Variants in TENM3 observed in about 807,000 individuals in gnomAD.
The protein encoded by TENM3 is teneurin transmembrane protein 3.
In TENM3, 63 loss-of-function variants were observed where a neutral mutation model predicts 255.1. That is an observed-to-expected ratio of 0.25 (90% CI 0.20 to 0.30). TENM3 has a LOEUF of 0.30. Ranked by LOEUF, TENM3 falls within the 10% of genes least tolerant of loss-of-function variation. The probability of loss-of-function intolerance (pLI) is 1.00; values close to 1 mark genes in which losing one functional copy is unlikely to be tolerated. For synonymous variants in TENM3, 1,306 were observed against 1,322.3 expected (o/e 0.99, Z 0.27); for missense variants, 2,929 against 3,461.1 (o/e 0.85, Z 3.86).
At chr4:181,680,583 T>C in the TENM3 span, among the ~76,000 whole-genome samples, 2 of 152,176 alleles carry the variant, frequency 1.3e-5, no homozygotes, top group African/African-American at 4.8e-5. Flanking sequence ...TACTATGATG[T>C]GTTTTACATT....
the TENM3 span, among the ~76,000 whole-genome samples, chr4:181,636,938 C>T: frequency 3.3e-5 from 5 of 152,190 alleles, no homozygotes; most frequent in East Asian, 3.9e-4. Context: ...GCCCCTACCC[C>T]TCTGGTTTAC....
the TENM3 span, among the ~76,000 whole-genome samples, chr4:181,584,855 A>T: frequency 3.2e-3 from 490 of 152,314 alleles, 4 homozygotes; most frequent in African/African-American, 0.011. Context: ...CTATATATTT[A>T]GCAGCAGAAA....
intron 1 of TENM3, among the ~76,000 whole-genome samples, chr4:182,284,750 A>G (rs1760622664): frequency 6.6e-6 from 1 of 152,232 alleles, no homozygotes; most frequent in Non-Finnish European, 1.5e-5. Flanking sequence ...TACACTGAGT[A>G]GAACAGATGA....
At chr4:182,152,890 C>A (rs1003593402) in intron 1 of TENM3, among the ~76,000 whole-genome samples, 1 of 151,670 alleles carries the variant, frequency 6.6e-6, no homozygotes, top group Admixed American at 6.6e-5. Flanking sequence ...TTTAAAAATT[C>A]TTCCCGTAAA....
At chr4:182,514,229 A>G (rs1256880310) in intron 3 of TENM3, among the ~76,000 whole-genome samples, 1 of 152,164 alleles carries the variant, frequency 6.6e-6, no homozygotes, top group Non-Finnish European at 1.5e-5. Context: ...AGCAGTGAAA[A>G]TGGGGATGAG....
At chr4:182,657,876 G>GGAC (rs1242549478) in intron 6 of TENM3, among the ~76,000 whole-genome samples, 1 of 152,104 alleles carries the variant, frequency 6.6e-6, no homozygotes, top group Non-Finnish European at 1.5e-5. Context: ...AGGCTGCCTT[G>GGAC]AACTCCTGAG....
At chr4:181,934,566 A>G in the TENM3 span, among the ~76,000 whole-genome samples, 1 of 152,206 alleles carries the variant, frequency 6.6e-6, no homozygotes, top group African/African-American at 2.4e-5. Context: ...AAAATAAGTG[A>G]TTTGCCTACT....
At chr4:182,190,153 A>G (rs938494200) in intron 1 of TENM3, 5 of 152,208 alleles carry the variant, frequency 3.3e-5, no homozygotes, top group African/African-American at 1.2e-4. Flanking sequence ...CTGCAAATTT[A>G]AAGAAAAAGA....
the TENM3 span, among the ~76,000 whole-genome samples, chr4:181,983,156 C>G: frequency 3.0e-4 from 46 of 152,274 alleles, no homozygotes; most frequent in African/African-American, 1.0e-3. Context: ...CAGAATGCAG[C>G]AGTACGTGTG....
chr4:181,987,271 C>A, the TENM3 span, among the ~76,000 whole-genome samples: 1 of 152,088 alleles, frequency 6.6e-6, no homozygotes, highest in Admixed American at 6.6e-5. Context: ...TCATCCCAAG[C>A]CCCTGGCAAT....
chr4:181,917,951 C>T, the TENM3 span, among the ~76,000 whole-genome samples: 42 of 152,220 alleles, frequency 2.8e-4, no homozygotes, highest in African/African-American at 5.8e-4. Flanking sequence ...CATGAGCCAC[C>T]GTGCCCGGCC....
intron 4 of TENM3, among the ~76,000 whole-genome samples, chr4:182,625,452 G>A (rs1230974618): frequency 6.6e-6 from 1 of 152,128 alleles, no homozygotes; most frequent in Non-Finnish European, 1.5e-5. Flanking sequence ...GATGATCTGA[G>A]GTGGAAAAGT....
intron 1 of TENM3, among the ~76,000 whole-genome samples, chr4:182,166,142 T>G (rs1751702880): frequency 6.6e-6 from 1 of 152,240 alleles, no homozygotes; most frequent in African/African-American, 2.4e-5. Context: ...GTTGTCCCGT[T>G]GGTAAAGACT....
the TENM3 span, among the ~76,000 whole-genome samples, chr4:181,503,221 C>CTTTTT: frequency 6.6e-6 from 1 of 152,038 alleles, no homozygotes. Flanking sequence ...TAAAAAATAG[C>CTTTTT]TGGGCATGCT....
chr4:182,121,589 G>A, the TENM3 span, among the ~76,000 whole-genome samples: 3 of 152,104 alleles, frequency 2.0e-5, no homozygotes, highest in Non-Finnish European at 4.4e-5. Context: ...TAAAAGTTAT[G>A]TTTACACTAT....
chr4:182,700,246 TTA>T (rs1483716212), intron 12 of TENM3, among the ~76,000 whole-genome samples: 2 of 152,176 alleles, frequency 1.3e-5, no homozygotes, highest in East Asian at 3.8e-4. Context: ...TTCATTCAGT[TTA>T]ATGTAAGGGT....
chr4:182,379,283 G>A (rs527939604), intron 3 of TENM3, among the ~76,000 whole-genome samples: 3 of 90,752 alleles, frequency 3.3e-5, no homozygotes, highest in African/African-American at 1.4e-4. Flanking sequence ...CTTGAACCCG[G>A]GGAGTGGAGG....
chr4:181,909,406 A>G, the TENM3 span, among the ~76,000 whole-genome samples: 1 of 152,180 alleles, frequency 6.6e-6, no homozygotes, highest in East Asian at 1.9e-4. Context: ...ACAAAGCCCC[A>G]TACTGAAATG....
chr4:182,560,079 G>T (rs1742997676), intron 3 of TENM3, among the ~76,000 whole-genome samples: 1 of 149,148 alleles, frequency 6.7e-6, no homozygotes, highest in Non-Finnish European at 1.5e-5. Context: ...ATTAAAAAAA[G>T]GTTTTTTTTT....
Sources: gnomAD v4.1 joint callset for allele counts (sites outside exome capture counted in the v4.1 genomes callset) on GRCh38, gnomAD v4.1.1 for gene constraint, MANE v1.5 for transcripts, NCBI Gene and HGNC (gene_info 2026-07-23, HGNC 2026-07-21) for gene names.